The following CTNS variants were observed in gnomAD, a reference collection of about 807,000 sequenced individuals.
CTNS encodes the protein cystinosin.
CTNS carries 27 observed loss-of-function variants against 43.7 expected under a neutral mutation model. That is an observed-to-expected ratio of 0.62 (90% CI 0.46 to 0.85). The LOEUF (loss-of-function observed/expected upper bound fraction) is 0.85. CTNS is among the 40% of genes least tolerant of loss of function. The probability of loss-of-function intolerance (pLI) is 0.00; values close to 1 mark genes in which losing one functional copy is unlikely to be tolerated. For synonymous variants in CTNS, 187 were observed against 190.6 expected (o/e 0.98, Z 0.16); for missense variants, 457 against 475.4 (o/e 0.96, Z 0.36).
At chr17:3,645,284 G>C (rs991427541) in intron 3 of CTNS, among the ~76,000 whole-genome samples, 5 of 152,204 alleles carry the variant, frequency 3.3e-5, no homozygotes, top group African/African-American at 9.6e-5. Flanking sequence ...GCAAGGGCCA[G>C]GGGACATCCT....
chr17:3,638,237 GT>G (rs1368178587), intron 2 of CTNS, among the ~76,000 whole-genome samples: 8 of 66,028 alleles, frequency 1.2e-4, no homozygotes, highest in South Asian at 4.2e-4. Flanking sequence ...TTTTTTTTTT[GT>G]TTTTTTTTTT....
At chr17:3,652,048 A>T (rs2076000513) in intron 5 of CTNS, among the ~76,000 whole-genome samples, 1 of 151,538 alleles carries the variant, frequency 6.6e-6, no homozygotes, top group Admixed American at 6.6e-5. Context: ...ATTGATGGGC[A>T]CCAACCTACC....
At chr17:3,651,001 C>T (rs149316966) in intron 5 of CTNS, among the ~76,000 whole-genome samples, 3,183 of 152,038 alleles carry the variant, frequency 0.021, 62 homozygotes, top group Non-Finnish European at 0.032. Context: ...TGGGGTTTCA[C>T]CATGTTGACT....
chr17:3,636,852 C>A (rs1021322756), intron 1 of CTNS, 21 bp downstream of exon 1: 7 of 152,314 alleles, frequency 4.6e-5, no homozygotes, highest in African/African-American at 1.7e-4. Context: ...ACGCGGCCTC[C>A]CCTGTTTCCC....
chr17:3,659,761 G>A, intron 10 of CTNS, 97 bp from the exon 11 acceptor site: 1 of 870,366 alleles, frequency 1.1e-6, no homozygotes, highest in Non-Finnish European at 1.9e-6. Flanking sequence ...TGGGAGGAAT[G>A]AGAACCGCTT....
intron 9 of CTNS, 173 bp from the exon 10 acceptor site, chr17:3,657,832 C>A: frequency 1.5e-6 from 1 of 671,100 alleles, no homozygotes. Context: ...TTCTGTGGTC[C>A]ACATGTTCCC....
At chr17:3,640,364 T>G in intron 3 of CTNS, 97 bp downstream of exon 3, 1 of 1,299,892 alleles carries the variant, frequency 7.7e-7, no homozygotes, top group Non-Finnish European at 1.1e-6. Context: ...TTTAGAATCA[T>G]TCAGACCACA....
At chr17:3,653,510 T>C (rs1158955010) in intron 5 of CTNS, among the ~76,000 whole-genome samples, 1 of 152,154 alleles carries the variant, frequency 6.6e-6, no homozygotes, top group Non-Finnish European at 1.5e-5. Flanking sequence ...GCACAGAAGC[T>C]GGGGACCAGG....
intron 2 of CTNS, among the ~76,000 whole-genome samples, chr17:3,637,739 T>C (rs2150883149): frequency 6.6e-6 from 1 of 152,218 alleles, no homozygotes. Context: ...AGTGCTGGGA[T>C]GACAGGCGTG....
intron 3 of CTNS, among the ~76,000 whole-genome samples, chr17:3,640,867 G>C (rs2075668617): frequency 6.6e-6 from 1 of 152,160 alleles, no homozygotes; most frequent in African/African-American, 2.4e-5. Flanking sequence ...TCACACTACT[G>C]CACTCCGGCC....
At position 3,648,903 on chromosome 17, in the gene CTNS, ATATTACTATCCTTGAGCTCCC is replaced by A. The variant is rs113994204; in HGVS notation, c.198_218del (p.Ile67_Pro73del). 2.5e-5 allele frequency: 41 copies of A among 1,613,814 alleles called. No homozygotes were observed. The highest frequency in any genetic ancestry group is 3.3e-5 in the Admixed American group (2 of 60,004). ...TTTGAAATCACATTTCGTTCCAAAA[ATATTACTATCCTTGAGCTCCC>A]CGATGAAGTAAGTAACCAATCTTAA... On this transcript the variant is annotated inframe_deletion, in exon 5 of 12. Transcript: ENST00000046640.
chr17:3,660,732 T>A lies in CTNS; in HGVS notation c.*363T>A. 1 of 1,613,466 alleles carries A rather than the reference T, an allele frequency of 6.2e-7. No individual in the cohort carries two copies. The highest frequency in any genetic ancestry group is 8.5e-7 in the Non-Finnish European group (1 of 1,180,030). On this transcript the variant is annotated 3_prime_UTR_variant, in exon 12 of 12. Transcript: ENST00000046640. ...CGTTTCTGCAAGCAGCTTGAAGGGC[T>A]GACCTTGCAGCCGGGTGAGCCAAGG...
chr17:3,651,910 G>T (rs1334067987), intron 5 of CTNS, among the ~76,000 whole-genome samples: 3 of 148,630 alleles, frequency 2.0e-5, no homozygotes, highest in Non-Finnish European at 4.4e-5. Context: ...GGAGGCAGAG[G>T]TGGCAGTGAG....
intron 5 of CTNS, among the ~76,000 whole-genome samples, chr17:3,652,252 T>C (rs1054586004): frequency 3.9e-5 from 6 of 152,202 alleles, no homozygotes; most frequent in Non-Finnish European, 7.4e-5. Flanking sequence ...GTGAATAATG[T>C]TTACTTGACA....
At chr17:3,654,347 G>C (rs2076067203) in intron 5 of CTNS, among the ~76,000 whole-genome samples, 1 of 152,190 alleles carries the variant, frequency 6.6e-6, no homozygotes, top group Admixed American at 6.5e-5. Context: ...AGCCAGGGGA[G>C]GGCATGAGGA....
intron 5 of CTNS, among the ~76,000 whole-genome samples, chr17:3,651,661 A>T (rs1347473661): frequency 1.3e-5 from 2 of 152,084 alleles, no homozygotes; most frequent in Non-Finnish European, 2.9e-5. Flanking sequence ...GTCATAGTTC[A>T]GTTTTTAAAA....
In CTNS at chr17:3,660,241, T is replaced by C. The variant is rs372665052; in HGVS notation, c.976T>C (p.Trp326Arg). The change falls in exon 12 of 12, where the codon TGG becomes CGG. Residue 326 changes from tryptophan to arginine, a missense_variant. By Grantham distance (101) the Trp-to-Arg change is moderately radical (BLOSUM62 -3). Coordinates refer to ENST00000046640, the MANE Select transcript of CTNS (RefSeq NM_004937.3). Reference protein sequence around the residue: ...MFLQSYNNDQWTLIFGDPTKF... With the variant: ...MFLQSYNNDQRTLIFGDPTKF... ...TGTCCCCCGGCTGCTAACAGACCAGTGGACGCTGATCTTCGGAGACCCAAC... is the reference window on the plus strand; with the variant it reads ...TGTCCCCCGGCTGCTAACAGACCAGCGGACGCTGATCTTCGGAGACCCAAC... The C allele has an allele frequency of 1.2e-4, 193 of 1,614,090 alleles. No homozygotes were observed. Among genetic ancestry groups the C allele is most frequent in the Non-Finnish European group, 1.5e-4 (177 of 1,180,038 alleles).
At chr17:3,657,605 G>C in intron 9 of CTNS, 1 of 290,220 alleles carries the variant, frequency 3.4e-6, no homozygotes, top group South Asian at 4.0e-5. Context: ...GGCTGCTGCC[G>C]GGTCGTGGGA....
intron 5 of CTNS, among the ~76,000 whole-genome samples, chr17:3,649,451 CAAAAAAA>C (rs34213111): frequency 1.1e-5 from 1 of 94,950 alleles, no homozygotes; most frequent in East Asian, 3.5e-4. Context: ...GACTCCTTCT[CAAAAAAA>C]AAAAAAAAAA....
Sources: allele counts gnomAD v4.1 joint callset (sites outside exome capture counted in the v4.1 genomes callset), GRCh38; gene constraint gnomAD v4.1.1; transcripts MANE v1.5; gene names NCBI Gene and HGNC (gene_info 2026-07-23, HGNC 2026-07-21).